LRRTM4: variants seen among roughly 807,000 people sequenced by gnomAD.
The protein encoded by LRRTM4 is leucine-rich repeat transmembrane neuronal protein 4.
Under a neutral mutation model 47.6 loss-of-function variants are expected in LRRTM4, and 25 were observed. The observed-to-expected ratio is 0.53, with a 90% CI of 0.38 to 0.73. The LOEUF (loss-of-function observed/expected upper bound fraction) is 0.73. Among genes scored for constraint, LRRTM4 ranks in the 30% least tolerant of loss-of-function variants. The probability of loss-of-function intolerance (pLI) is 0.00; values close to 1 mark genes in which losing one functional copy is unlikely to be tolerated. For synonymous variants in LRRTM4, 311 were observed against 269.5 expected (o/e 1.15, Z -1.51); for missense variants, 638 against 713.4 (o/e 0.89, Z 1.20).
chr2:76,981,287 GA>G (rs1485080484), intron 3 of LRRTM4, among the ~76,000 whole-genome samples: 1 of 151,982 alleles, frequency 6.6e-6, no homozygotes, highest in Non-Finnish European at 1.5e-5. Flanking sequence ...ATAAAACATA[GA>G]AAGGAAATTA....
chr2:76,836,145 A>G (rs1283850170), intron 3 of LRRTM4, among the ~76,000 whole-genome samples: 3 of 114,510 alleles, frequency 2.6e-5, no homozygotes, highest in African/African-American at 6.8e-5. Context: ...GTCTCAAGAT[A>G]TTATAGTATG....
At chr2:77,156,654 T>C (rs1018278355) in intron 3 of LRRTM4, among the ~76,000 whole-genome samples, 3 of 151,400 alleles carry the variant, frequency 2.0e-5, no homozygotes, top group African/African-American at 7.3e-5. Context: ...GAACATGAAA[T>C]TCGGGGTGAG....
At chr2:76,817,576 AAATTGGT>A (rs1670937098) in intron 3 of LRRTM4, among the ~76,000 whole-genome samples, 1 of 151,976 alleles carries the variant, frequency 6.6e-6, no homozygotes, top group Non-Finnish European at 1.5e-5. Context: ...CACAGCTAGT[AAATTGGT>A]GAGATTGCAT....
At chr2:77,443,639 A>G (rs1675932592) in intron 3 of LRRTM4, among the ~76,000 whole-genome samples, 1 of 152,156 alleles carries the variant, frequency 6.6e-6, no homozygotes, top group African/African-American at 2.4e-5. Context: ...GTGATAAAAC[A>G]TAGTATATGA....
intron 3 of LRRTM4, among the ~76,000 whole-genome samples, chr2:77,304,562 A>C (rs549326006): frequency 9.9e-5 from 15 of 152,266 alleles, no homozygotes; most frequent in South Asian, 8.3e-4. Flanking sequence ...CTTGAGACAT[A>C]GGATGAATAG....
At chr2:77,516,895 T>C (rs1679226535) in intron 3 of LRRTM4, 1 of 984,940 alleles carries the variant, frequency 1.0e-6, no homozygotes, top group Non-Finnish European at 1.2e-6. Flanking sequence ...TAGTTAGGAC[T>C]ATGGAAAAAT....
rs148731932 is a variant in LRRTM4 at position 77,440,125 on chromosome 2, G to T, written c.1551+78193C>A. ...TAGGCCAAAGAATGTATTAAAAACC[G>T]TGTGTGAGGCCGGGCGCGGTGGCTC... On this transcript the variant is annotated intron_variant, in intron 3 of 3. Coordinates refer to ENST00000409884, the MANE Select transcript of LRRTM4 (RefSeq NM_001134745.3). Among the ~76,000 whole-genome samples, 948 of 151,918 alleles carry T rather than the reference G, an allele frequency of 6.2e-3. 13 individuals carry two copies. Among genetic ancestry groups the T allele is most frequent in the African/African-American group, 0.022 (928 of 41,492 alleles).
At chr2:76,893,410 CATT>C (rs1673314935) in intron 3 of LRRTM4, among the ~76,000 whole-genome samples, 1 of 151,604 alleles carries the variant, frequency 6.6e-6, no homozygotes, top group Non-Finnish European at 1.5e-5. Flanking sequence ...CTTCTGATAA[CATT>C]AATTTTAAAA....
At chr2:76,993,059 T>C (rs192850307) in intron 3 of LRRTM4, among the ~76,000 whole-genome samples, 283 of 151,914 alleles carry the variant, frequency 1.9e-3, no homozygotes, top group Non-Finnish European at 3.3e-3. Context: ...CTTGGATACC[T>C]GGCTAATCTG....
chr2:77,464,742 G>C (rs13031002), intron 3 of LRRTM4, among the ~76,000 whole-genome samples: 73,705 of 151,866 alleles, frequency 0.49, 19,247 homozygotes, highest in South Asian at 0.7. Context: ...GATTGCCTCT[G>C]AAAATGTAGC....
At chr2:77,070,586 C>G (rs1680118782) in intron 3 of LRRTM4, among the ~76,000 whole-genome samples, 1 of 151,884 alleles carries the variant, frequency 6.6e-6, no homozygotes, top group Non-Finnish European at 1.5e-5. Context: ...GATATTGTAT[C>G]TTTTTTTATA....
At chr2:77,007,591 A>G (rs1351648096) in intron 3 of LRRTM4, among the ~76,000 whole-genome samples, 2 of 152,206 alleles carry the variant, frequency 1.3e-5, no homozygotes. Flanking sequence ...TGTCTATAAA[A>G]ATGGCAACAT....
In LRRTM4 at chr2:77,519,144, C is replaced by G. The variant is rs1419564095; in HGVS notation, c.725G>C (p.Arg242Pro). 1 of 1,613,006 alleles carries G rather than the reference C, an allele frequency of 6.2e-7. No homozygotes were observed. Among genetic ancestry groups the G allele is most frequent in the Non-Finnish European group, 8.5e-7 (1 of 1,179,486 alleles). ...RSIYLQWNRI[R>P]SISQGLTWTW... ...CCATGTCAAACCTTGGCTAATGGAG[C>G]GAATCCTGTTCCATTGTAAGTAAAT... Residue 242 changes from arginine to proline, a missense_variant, in exon 3 of 4, where the codon CGC becomes CCC. By Grantham distance (103) the Arg-to-Pro change is moderately radical. Transcript: ENST00000409884. The surrounding 1 kb of genome is among the most constrained non-coding windows in gnomAD (Gnocchi z 4.6).
At chr2:77,112,772 C>T (rs1671284441) in intron 3 of LRRTM4, among the ~76,000 whole-genome samples, 1 of 152,068 alleles carries the variant, frequency 6.6e-6, no homozygotes, top group African/African-American at 2.4e-5. Context: ...CCTTTATGGC[C>T]CATGCCCACA....
chr2:77,399,243 T>C (rs1019044993), intron 3 of LRRTM4, among the ~76,000 whole-genome samples: 7 of 151,712 alleles, frequency 4.6e-5, no homozygotes, highest in African/African-American at 9.7e-5. Flanking sequence ...GTATATTTAT[T>C]ATGCTTATGT....
At chr2:77,170,333 G>A (rs1673010919) in intron 3 of LRRTM4, among the ~76,000 whole-genome samples, 1 of 152,088 alleles carries the variant, frequency 6.6e-6, no homozygotes, top group Non-Finnish European at 1.5e-5. Flanking sequence ...TCTAGAAGCT[G>A]GAAATAAACT....
intron 3 of LRRTM4, among the ~76,000 whole-genome samples, chr2:77,490,651 G>A (rs2104044544): frequency 6.6e-6 from 1 of 152,008 alleles, no homozygotes; most frequent in Admixed American, 6.5e-5. Context: ...CTAAGTAGGG[G>A]AAGATGATAA....
At chr2:77,322,970 G>A (rs1264466431) in intron 3 of LRRTM4, among the ~76,000 whole-genome samples, 2 of 151,426 alleles carry the variant, frequency 1.3e-5, no homozygotes, top group African/African-American at 2.4e-5. Context: ...AATAATTTTT[G>A]GTCAAATTGA....
At chr2:76,920,863 C>A (rs1573315569) in intron 3 of LRRTM4, among the ~76,000 whole-genome samples, 1 of 152,072 alleles carries the variant, frequency 6.6e-6, no homozygotes, top group Non-Finnish European at 1.5e-5. Context: ...TTTTTCCTAG[C>A]GTCTGTCTCT....
Sources: gnomAD v4.1 joint callset for allele counts (sites outside exome capture counted in the v4.1 genomes callset) on GRCh38, gnomAD v4.1.1 for gene constraint, Gnocchi (gnomAD v3.1) non-coding constraint, MANE v1.5 for transcripts, NCBI Gene and HGNC (gene_info 2026-07-23, HGNC 2026-07-21) for gene names.